Variants in GNAL observed in about 807,000 individuals in gnomAD.
The protein encoded by GNAL is G protein subunit alpha L.
A neutral mutation model predicts 55.1 loss-of-function variants in GNAL; 18 were observed. The observed-to-expected ratio is 0.33, with a 90% confidence interval of 0.23 to 0.48. The LOEUF (loss-of-function observed/expected upper bound fraction) is 0.48. GNAL is among the 20% of genes least tolerant of loss of function. The probability of loss-of-function intolerance (pLI) is 0.99; values close to 1 mark genes in which losing one functional copy is unlikely to be tolerated. For synonymous variants in GNAL, 253 were observed against 237.0 expected, an observed-to-expected ratio of 1.07 and a Z score of -0.62; for missense variants, 412 against 614.1, an observed-to-expected ratio of 0.67 and a Z score of 3.48.
intron 5 of GNAL, among the ~76,000 whole-genome samples, chr18:11,839,154 T>C (rs1303839595): frequency 6.6e-6 from 1 of 152,212 alleles, no homozygotes; most frequent in African/African-American, 2.4e-5. Flanking sequence ...ATATAATAGG[T>C]GTTTAATAAA....
At chr18:11,817,808 C>T (rs1474458424) in intron 4 of GNAL, among the ~76,000 whole-genome samples, 1 of 151,628 alleles carries the variant, frequency 6.6e-6, no homozygotes, top group Non-Finnish European at 1.5e-5. Context: ...AGGCTGGTCT[C>T]GAACTCCTGG....
intron 1 of GNAL, among the ~76,000 whole-genome samples, chr18:11,715,188 G>A (rs538451739): frequency 2.8e-4 from 43 of 151,682 alleles, no homozygotes; most frequent in African/African-American, 9.2e-4. Flanking sequence ...GGCCGGGCGC[G>A]GTGGCTCACG....
At chr18:11,875,048 CCG>C (rs2036498766) in intron 10 of GNAL, among the ~76,000 whole-genome samples, 1 of 152,188 alleles carries the variant, frequency 6.6e-6, no homozygotes, top group Non-Finnish European at 1.5e-5. Flanking sequence ...GTGGACTCTT[CCG>C]GGGGAGAATG....
intron 4 of GNAL, among the ~76,000 whole-genome samples, chr18:11,813,590 C>T (rs767651887): frequency 9.9e-5 from 15 of 152,228 alleles, no homozygotes; most frequent in Non-Finnish European, 1.6e-4. Context: ...GAAGTTAGAA[C>T]TGCCTAATTT....
chr18:11,852,600 G>T, intron 5 of GNAL: 1 of 92,478 alleles, frequency 1.1e-5, no homozygotes. Context: ...TTATCCTTTG[G>T]GTTTTGGTTT....
chr18:11,820,079 A>G (rs1038110598), intron 4 of GNAL, among the ~76,000 whole-genome samples: 4 of 152,150 alleles, frequency 2.6e-5, no homozygotes, highest in African/African-American at 9.7e-5. Context: ...TAATTGTGAG[A>G]AAGGGCTATT....
rs550722726 is a variant in GNAL at position 11,771,833 on chromosome 18, G to A, written c.624+17888G>A. Among the ~76,000 whole-genome samples the A allele has an allele frequency of 5.1e-3, 774 of 152,248 alleles. 8 individuals carry two copies. Among genetic ancestry groups the A allele is most frequent in the African/African-American group, 0.018 (728 of 41,542 alleles). On this transcript the variant is annotated intron_variant, in intron 4 of 11. Coordinates refer to ENST00000334049, the MANE Select transcript of GNAL (RefSeq NM_182978.4). The stretch of plus-strand genomic sequence containing the variant: ...GGGTTCAAGCGATTCTCCTGCCTCA[G>A]CCACCCCAGTAGCTGGAATTACAGG...
chr18:11,711,504 A>G (rs2031839108), intron 1 of GNAL, among the ~76,000 whole-genome samples: 1 of 151,720 alleles, frequency 6.6e-6, no homozygotes. Flanking sequence ...TGAGCCCTGT[A>G]GTGATTATTT....
intron 4 of GNAL, among the ~76,000 whole-genome samples, chr18:11,790,651 C>CTTTTTTTTTTTTTTTT (rs1232488173): frequency 9.6e-5 from 8 of 83,346 alleles, no homozygotes; most frequent in African/African-American, 1.6e-4. Context: ...CTTTTCTTTT[C>CTTTTTTTTTTTTTTTT]TTTTTTTTTC....
At chr18:11,831,276 C>CA (rs1411039187) in intron 5 of GNAL, among the ~76,000 whole-genome samples, 2 of 152,126 alleles carry the variant, frequency 1.3e-5, no homozygotes, top group African/African-American at 2.4e-5. Flanking sequence ...CATGTGAAGA[C>CA]AGAGATGCTG....
intron 11 of GNAL, among the ~76,000 whole-genome samples, chr18:11,879,800 C>G (rs1185355909): frequency 6.6e-6 from 1 of 152,208 alleles, no homozygotes; most frequent in Non-Finnish European, 1.5e-5. Context: ...CCCTGTTTCT[C>G]AGGTACTTGA....
In GNAL at chr18:11,882,731, G is replaced by C. The variant is rs1598457728; in HGVS notation, c.*1596G>C. On this transcript the variant is annotated 3_prime_UTR_variant, in exon 12 of 12. Transcript: ENST00000334049. The stretch of plus-strand genomic sequence containing the variant: ...CTTGACGTGTCAATGTTTGTGTCTG[G>C]CCTAGGAGAATGAGGATGACAGCTT... The C allele has an allele frequency of 2.0e-5, 3 of 151,244 alleles. No homozygotes were observed. Among genetic ancestry groups the C allele is most frequent in the African/African-American group, 7.3e-5 (3 of 41,112 alleles). The allele number at this position is 151,244 out of a possible 1,614,324, so 9.4% of individuals were successfully genotyped here.
At chr18:11,865,668 T>C (rs1382179813) in intron 7 of GNAL, among the ~76,000 whole-genome samples, 1 of 143,166 alleles carries the variant, frequency 7.0e-6, no homozygotes, top group Non-Finnish European at 1.5e-5. Flanking sequence ...GGTGGGAGGA[T>C]CTCTTAAGCC....
Position 11,752,322 on chromosome 18 carries a change from C to A in GNAL, c.377-531C>A. ...AAACACCGAAGAGACCAGACCATCT[C>A]TTTCAGCAGCAGGAAAGAGAGGAGC... On this transcript the variant is annotated intron_variant, in intron 1 of 11. Coordinates refer to ENST00000334049, the MANE Select transcript of GNAL (RefSeq NM_182978.4). The surrounding 1 kb of genome is among the most constrained non-coding windows in gnomAD (Gnocchi z 4.5). 1 of 1,477,868 alleles carries A rather than the reference C, an allele frequency of 6.8e-7. No homozygotes were observed. The highest frequency in any genetic ancestry group is 8.9e-7 in the Non-Finnish European group (1 of 1,119,438). 91.5% of individuals were successfully genotyped at this position (1,477,868 alleles called of 1,614,324 possible). A position where few individuals can be genotyped will look rare whatever the true frequency, so the allele number is the denominator to read the frequency against.
Position 11,705,121 on chromosome 18 carries a change from TC to T in GNAL, c.376+15187del, listed in dbSNP as rs146202571. 6.2e-3 allele frequency among the ~76,000 whole-genome samples: 937 copies of T among 152,276 alleles called. 4 individuals carry two copies. The highest frequency in any genetic ancestry group is 0.021 in the African/African-American group (879 of 41,570). On this transcript the variant is annotated intron_variant, in intron 1 of 11. Transcript: ENST00000334049. ...TGAATAGCAACTCTCCACTTCCCTC[TC>T]CCCCAAACCCTAGAAACAACCGTGC... is the stretch of plus-strand genomic sequence containing the variant.
chr18:11,864,086 C>CT lies in GNAL; in HGVS notation c.778-428dup, dbSNP rs3981355. 8.5e-3 allele frequency among the ~76,000 whole-genome samples: 1,098 copies of CT among 129,034 alleles called. 7 individuals carry two copies. Among genetic ancestry groups the CT allele is most frequent in the Non-Finnish European group, 0.012 (723 of 61,178 alleles). 84.7% of individuals were successfully genotyped at this position (129,034 alleles called of 152,430 possible). Reference sequence around the variant, plus strand: ...AAAACAGAGAACATTCGTCTGAGTTCTTTTTTTTTTTTTTTTTTTGAGACG... The same window carrying CT: ...AAAACAGAGAACATTCGTCTGAGTTCTTTTTTTTTTTTTTTTTTTTGAGACG... On this transcript the variant is annotated intron_variant, in intron 6 of 11. Transcript: ENST00000334049.
chr18:11,695,988 G>A (rs1461121847), intron 1 of GNAL, among the ~76,000 whole-genome samples: 1 of 151,962 alleles, frequency 6.6e-6, no homozygotes, highest in African/African-American at 2.4e-5. Flanking sequence ...CTCCACTCTG[G>A]GATTTTGATG....
At chr18:11,857,796 T>G (rs1486674144) in intron 5 of GNAL, 1 of 937,962 alleles carries the variant, frequency 1.1e-6, no homozygotes, top group Admixed American at 6.2e-5. Flanking sequence ...GTGAGTAATG[T>G]TTTTCTCCAC....
intron 1 of GNAL, among the ~76,000 whole-genome samples, chr18:11,750,004 G>T (rs1345392170): frequency 1.3e-5 from 2 of 152,184 alleles, no homozygotes; most frequent in African/African-American, 4.8e-5. Flanking sequence ...CATTGTGCAA[G>T]GTGCACTGAA....
Sources: gnomAD v4.1 joint callset for allele counts (sites outside exome capture counted in the v4.1 genomes callset) on GRCh38, gnomAD v4.1.1 for gene constraint, Gnocchi (gnomAD v3.1) non-coding constraint, MANE v1.5 for transcripts, NCBI Gene and HGNC (gene_info 2026-07-23, HGNC 2026-07-21) for gene names.